Variants in RTN1 observed in about 807,000 individuals in gnomAD.
RTN1 encodes the protein reticulon-1.
A neutral mutation model predicts 65.5 loss-of-function variants in RTN1; 25 were observed. The observed-to-expected ratio is 0.38, with a 90% confidence interval of 0.28 to 0.53. The LOEUF is 0.53. RTN1 is among the 20% of genes least tolerant of loss of function. RTN1 has a pLI of 0.79. For synonymous variants in RTN1, 471 were observed against 447.6 expected (o/e 1.05, Z -0.66); for missense variants, 983 against 1,025.4 (o/e 0.96, Z 0.57).
chr14:59,768,929 G>T (rs986193675), intron 1 of RTN1, among the ~76,000 whole-genome samples: 1 of 152,130 alleles, frequency 6.6e-6, no homozygotes, highest in African/African-American at 2.4e-5. Flanking sequence ...CTTGAACAAG[G>T]TATTACTTTT....
chr14:59,870,473 G>C lies in RTN1; in HGVS notation c.158C>G (p.Ala53Gly). ...CCGCGACGCCGCTTCCCGGGCCCTG[G>C]CGCCCAACCCCGGGCTGGGCTCCCC... ...QAGEPSPGLGARAREAASREA... is the reference protein window; with the variant it reads ...QAGEPSPGLGGRAREAASREA... The change falls in exon 1 of 9, where the codon GCC (alanine) becomes GGC (glycine). Residue 53 changes from alanine to glycine, a missense_variant. Ala to Gly is a moderately conservative substitution (Grantham distance 60). This residue lies in a region of RTN1 where 818 missense variants were observed against 801.8 expected (regional missense o/e 1.02). Transcript: ENST00000267484. The surrounding 1 kb of genome is among the most constrained non-coding windows in gnomAD (Gnocchi z 5.1). 6.8e-7 allele frequency: 1 copy of C among 1,479,096 alleles called. No individual in the cohort carries two copies. The highest frequency in any genetic ancestry group is 2.9e-5 in the East Asian group (1 of 34,502). The allele number at this position is 1,479,096 out of a possible 1,614,324, so 91.6% of individuals were successfully genotyped here. A position where few individuals can be genotyped will look rare whatever the true frequency, so the allele number is the denominator to read the frequency against.
chr14:59,697,751 G>A (rs553628303), intron 3 of RTN1, among the ~76,000 whole-genome samples: 9 of 152,162 alleles, frequency 5.9e-5, no homozygotes, highest in Admixed American at 1.3e-4. Flanking sequence ...GATGATGTAA[G>A]CTTAACACAA....
intron 3 of RTN1, among the ~76,000 whole-genome samples, chr14:59,708,687 T>TA (rs1884351964): frequency 6.6e-6 from 1 of 152,168 alleles, no homozygotes. Flanking sequence ...GGCTTCCCCC[T>TA]AAAAAGGAGC....
chr14:59,857,992 C>T (rs1566750149), intron 1 of RTN1, among the ~76,000 whole-genome samples: 1 of 152,190 alleles, frequency 6.6e-6, no homozygotes, highest in Non-Finnish European at 1.5e-5. Context: ...AGACCAGGTA[C>T]ATTGGAACCC....
intron 3 of RTN1, among the ~76,000 whole-genome samples, chr14:59,678,529 C>A (rs1330793537): frequency 6.6e-6 from 1 of 152,208 alleles, no homozygotes; most frequent in Non-Finnish European, 1.5e-5. Flanking sequence ...TGTTTCTCTA[C>A]CTTGTGCCTC....
chr14:59,609,105 T>C (rs1196201457), intron 3 of RTN1, among the ~76,000 whole-genome samples: 1 of 151,876 alleles, frequency 6.6e-6, no homozygotes. Flanking sequence ...GCCAACATGG[T>C]GAAACCCCGT....
chr14:59,792,037 A>AGATT (rs1886358073), intron 1 of RTN1, among the ~76,000 whole-genome samples: 1 of 152,008 alleles, frequency 6.6e-6, no homozygotes, highest in Non-Finnish European at 1.5e-5. Flanking sequence ...AGAATGTAAG[A>AGATT]GATTGGAATT....
In RTN1 at chr14:59,596,663, C is replaced by A; in HGVS notation, c.*82G>T. On this transcript the variant is annotated 3_prime_UTR_variant, in exon 9 of 9. Transcript: ENST00000267484. ...ACTGGAGGGAGGGGGGAAAGACAAT[C>A]AATTTGCAGTAATGAGTAAGAAGAG... is the stretch of plus-strand genomic sequence containing the variant. 3 of 1,057,512 alleles carry A rather than the reference C, an allele frequency of 2.8e-6. No individual in the cohort carries two copies. Among genetic ancestry groups the A allele is most frequent in the South Asian group, 2.5e-5 (2 of 79,366 alleles). The allele number at this position is 1,057,512 out of a possible 1,614,324, so 65.5% of individuals were successfully genotyped here. A position where few individuals can be genotyped will look rare whatever the true frequency, so the allele number is the denominator to read the frequency against.
At chr14:59,714,253 A>T (rs936162281) in intron 3 of RTN1, among the ~76,000 whole-genome samples, 1 of 150,912 alleles carries the variant, frequency 6.6e-6, no homozygotes, top group Non-Finnish European at 1.5e-5. Context: ...AAAAAAAAAA[A>T]ATAGACTAAT....
chr14:59,612,256 T>C (rs577696962), intron 3 of RTN1, among the ~76,000 whole-genome samples: 1 of 152,300 alleles, frequency 6.6e-6, no homozygotes, highest in South Asian at 2.1e-4. Context: ...AAAGGGTGAT[T>C]TTCTCTTGTA....
chr14:59,724,422 A>G (rs117156211), intron 3 of RTN1, among the ~76,000 whole-genome samples: 195 of 152,302 alleles, frequency 1.3e-3, no homozygotes, highest in Non-Finnish European at 2.3e-3. Flanking sequence ...CATCCCCTGG[A>G]TACTTGTGAA....
At chr14:59,691,185 T>A (rs1274540053) in intron 3 of RTN1, among the ~76,000 whole-genome samples, 2 of 152,048 alleles carry the variant, frequency 1.3e-5, no homozygotes, top group Non-Finnish European at 2.9e-5. Context: ...GATAGCCCAC[T>A]AGCTAGATTA....
At chr14:59,787,966 T>G (rs1886282414) in intron 1 of RTN1, among the ~76,000 whole-genome samples, 1 of 152,200 alleles carries the variant, frequency 6.6e-6, no homozygotes, top group Non-Finnish European at 1.5e-5. Context: ...ACTTTATTGA[T>G]AAGGGATTGC....
At chr14:59,764,496 A>C (rs1885811801) in intron 1 of RTN1, among the ~76,000 whole-genome samples, 1 of 152,042 alleles carries the variant, frequency 6.6e-6, no homozygotes, top group Non-Finnish European at 1.5e-5. Context: ...AATTTTTTGT[A>C]TATTTAGTAG....
intron 3 of RTN1, among the ~76,000 whole-genome samples, chr14:59,721,826 G>A (rs771336814): frequency 8.7e-4 from 133 of 152,176 alleles, no homozygotes; most frequent in Middle Eastern, 3.4e-3. Context: ...CAGTCAGGTC[G>A]GCACCGAGTA....
In RTN1 at chr14:59,766,448, G is replaced by A. The variant is rs749285173; in HGVS notation, c.242-19967C>T. Among the ~76,000 whole-genome samples, 3 of 152,060 alleles carry A rather than the reference G, an allele frequency of 2.0e-5. No homozygotes were observed. The highest frequency in any genetic ancestry group is 4.4e-5 in the Non-Finnish European group (3 of 67,988). On this transcript the variant is annotated intron_variant, in intron 1 of 8. Transcript: ENST00000267484. This position sits in a 1 kb window ranked among gnomAD's most constrained non-coding sequence, Gnocchi z 4.4. ...CCCAAACTCATATATATTGTTCAAC[G>A]TATTATTTTCTACTTACCTGTAAGT...
At chr14:59,716,567 C>A (rs937294680) in intron 3 of RTN1, among the ~76,000 whole-genome samples, 3 of 152,150 alleles carry the variant, frequency 2.0e-5, no homozygotes, top group Non-Finnish European at 4.4e-5. Context: ...TAATCAATCA[C>A]CACAGAAACA....
chr14:59,817,336 G>A (rs1412377655), intron 1 of RTN1, among the ~76,000 whole-genome samples: 3 of 152,138 alleles, frequency 2.0e-5, no homozygotes, highest in African/African-American at 7.2e-5. Context: ...TGCTTGATAG[G>A]GGGAAAACTG....
At chr14:59,649,467 A>G (rs1308715164) in intron 3 of RTN1, among the ~76,000 whole-genome samples, 2 of 152,236 alleles carry the variant, frequency 1.3e-5, no homozygotes, top group Non-Finnish European at 2.9e-5. Context: ...CAGCATGAAC[A>G]GGCAACCTAC....
Sources: gnomAD v4.1 joint callset for allele counts (sites outside exome capture counted in the v4.1 genomes callset) on GRCh38, gnomAD v4.1.1 for gene constraint, gnomAD v4.1.1 regional missense constraint, Gnocchi (gnomAD v3.1) non-coding constraint, MANE v1.5 for transcripts, NCBI Gene and HGNC (gene_info 2026-07-23, HGNC 2026-07-21) for gene names.